EYS: variants seen among roughly 807,000 people sequenced by gnomAD.
EYS encodes the protein protein eyes shut homolog.
In EYS, 250 loss-of-function variants were observed where a neutral mutation model predicts 282.1. The observed-to-expected ratio is 0.89, with a 90% CI of 0.80 to 0.98. The LOEUF is 0.98. Among genes scored for constraint, EYS ranks in the 50% least tolerant of loss-of-function variants. The pLI, the probability that EYS is intolerant of heterozygous loss-of-function variation, is 0.00. For missense variants in EYS, 4,016 were observed against 3,709.0 expected (o/e 1.08, Z -2.15); for synonymous variants, 1,355 against 1,282.9 (o/e 1.06, Z -1.20).
intron 5 of EYS, among the ~76,000 whole-genome samples, chr6:65,467,681 C>T (rs1464124171): frequency 1.3e-5 from 2 of 151,676 alleles, no homozygotes; most frequent in East Asian, 3.9e-4. Context: ...TAATTTAAGC[C>T]AAATTAAATT....
At chr6:65,572,572 T>C (rs1430137721) in intron 2 of EYS, among the ~76,000 whole-genome samples, 4 of 152,142 alleles carry the variant, frequency 2.6e-5, no homozygotes, top group Non-Finnish European at 5.9e-5. Flanking sequence ...TATACAGTCA[T>C]GTGCCACATA....
At chr6:63,728,875 GGTAAGAGCATTTTTAGTTTT>G (rs1166792316) in intron 41 of EYS, among the ~76,000 whole-genome samples, 1 of 152,068 alleles carries the variant, frequency 6.6e-6, no homozygotes, top group Admixed American at 6.6e-5. Flanking sequence ...TTGATCATAT[GGTAAGAGCATTTTTAGTTTT>G]GTAAGAAACT....
At chr6:64,402,655 T>TC (rs1375050767) in intron 28 of EYS, among the ~76,000 whole-genome samples, 1 of 152,202 alleles carries the variant, frequency 6.6e-6, no homozygotes, top group Non-Finnish European at 1.5e-5. Flanking sequence ...TCAGATTTCC[T>TC]AACATTGACA....
intron 22 of EYS, among the ~76,000 whole-genome samples, chr6:64,691,147 A>G (rs1167958651): frequency 6.6e-6 from 1 of 152,100 alleles, no homozygotes; most frequent in African/African-American, 2.4e-5. Context: ...AAAATAAACT[A>G]TTTCAGTCTA....
intron 2 of EYS, among the ~76,000 whole-genome samples, chr6:65,527,408 G>A (rs775508438): frequency 1.3e-5 from 2 of 152,178 alleles, no homozygotes; most frequent in Non-Finnish European, 2.9e-5. Flanking sequence ...ACACAGGACA[G>A]CCCAGTAACA....
chr6:64,987,835 T>A (rs1347824512), intron 14 of EYS, among the ~76,000 whole-genome samples: 1 of 151,670 alleles, frequency 6.6e-6, no homozygotes, highest in African/African-American at 2.4e-5. Flanking sequence ...TAATAAGAAT[T>A]TAAAAAAGCA....
At chr6:65,278,031 C>CCTTTTCTTTTCTTTTCTTTTTT (rs1768099531) in intron 12 of EYS, among the ~76,000 whole-genome samples, 1 of 107,486 alleles carries the variant, frequency 9.3e-6, no homozygotes, top group Non-Finnish European at 1.9e-5. Context: ...CTTTTCTTTT[C>CCTTTTCTTTTCTTTTCTTTTTT]CTTTTCTTTT....
chr6:65,360,998 G>A (rs909330772), intron 8 of EYS, among the ~76,000 whole-genome samples: 72 of 152,030 alleles, frequency 4.7e-4, no homozygotes, highest in African/African-American at 1.6e-3. Flanking sequence ...TGGAGTTCAA[G>A]GAATGGTAGG....
intron 12 of EYS, among the ~76,000 whole-genome samples, chr6:65,253,672 A>C (rs1354994525): frequency 6.6e-6 from 1 of 151,890 alleles, no homozygotes; most frequent in Non-Finnish European, 1.5e-5. Context: ...TTGATTCAGA[A>C]AGGTCTTCAA....
chr6:64,257,698 T>C (rs140719850), intron 30 of EYS, among the ~76,000 whole-genome samples: 4 of 152,024 alleles, frequency 2.6e-5, no homozygotes, highest in Non-Finnish European at 5.9e-5. Flanking sequence ...AGAAGTGACA[T>C]GTAATTTAAC....
chr6:64,840,235 T>G (rs1765521373), intron 19 of EYS, among the ~76,000 whole-genome samples: 1 of 152,080 alleles, frequency 6.6e-6, no homozygotes, highest in Non-Finnish European at 1.5e-5. Flanking sequence ...TTTAAAATGG[T>G]CACATACTAT....
chr6:65,177,851 A>G (rs566147356), intron 12 of EYS, among the ~76,000 whole-genome samples: 1 of 152,032 alleles, frequency 6.6e-6, no homozygotes, highest in Admixed American at 6.6e-5. Flanking sequence ...TACTCATTGT[A>G]AAAATGCCTT....
chr6:63,832,244 C>CA (rs1406316842), intron 36 of EYS, among the ~76,000 whole-genome samples: 60 of 152,092 alleles, frequency 3.9e-4, no homozygotes, highest in African/African-American at 1.3e-3. Context: ...GATAGAGACA[C>CA]AAAAAACCCT....
intron 36 of EYS, among the ~76,000 whole-genome samples, chr6:63,836,721 A>T (rs1043225170): frequency 3.3e-5 from 5 of 152,108 alleles, no homozygotes; most frequent in African/African-American, 1.2e-4. Flanking sequence ...TTTTGCACCA[A>T]CCAAATAGTT....
intron 14 of EYS, among the ~76,000 whole-genome samples, chr6:64,989,816 ACAC>A (rs1771002483): frequency 2.0e-5 from 3 of 148,680 alleles, no homozygotes; most frequent in Non-Finnish European, 3.0e-5. Flanking sequence ...ACACACACAC[ACAC>A]ACACACACAC....
At chr6:65,616,013 C>T (rs1766186565) in intron 2 of EYS, among the ~76,000 whole-genome samples, 1 of 151,432 alleles carries the variant, frequency 6.6e-6, no homozygotes, top group African/African-American at 2.4e-5. Flanking sequence ...CTTCTTGACA[C>T]AAAATTGTAT....
chr6:64,193,178 A>G (rs1032372910), intron 31 of EYS, among the ~76,000 whole-genome samples: 2 of 152,186 alleles, frequency 1.3e-5, no homozygotes, highest in African/African-American at 2.4e-5. Context: ...AGTAATTTTG[A>G]TTGGAATTGA....
At chr6:63,879,179 A>C (rs1417364309) in intron 35 of EYS, among the ~76,000 whole-genome samples, 1 of 152,136 alleles carries the variant, frequency 6.6e-6, no homozygotes, top group African/African-American at 2.4e-5. Flanking sequence ...CCATTCTTGA[A>C]ACTGAAGAAT....
At chr6:64,890,663 T>A (rs887759272) in intron 18 of EYS, among the ~76,000 whole-genome samples, 2 of 152,190 alleles carry the variant, frequency 1.3e-5, no homozygotes, top group African/African-American at 4.8e-5. Flanking sequence ...GTTTGCTCTT[T>A]AACATTTATC....
Sources: gnomAD v4.1 joint callset for allele counts (sites outside exome capture counted in the v4.1 genomes callset) on GRCh38, gnomAD v4.1.1 for gene constraint, MANE v1.5 for transcripts, NCBI Gene and HGNC (gene_info 2026-07-23, HGNC 2026-07-21) for gene names.